The following JPH1 variants were observed in gnomAD, a reference collection of about 807,000 sequenced individuals.
The protein encoded by JPH1 is junctophilin 1.
Under a neutral mutation model 53.6 loss-of-function variants are expected in JPH1, and 12 were observed. That is an observed-to-expected ratio of 0.22 (90% CI 0.14 to 0.36). The LOEUF (loss-of-function observed/expected upper bound fraction) is 0.36. Ranked by LOEUF, JPH1 falls within the 10% of genes least tolerant of loss-of-function variation. JPH1 has a pLI of 1.00. For synonymous variants in JPH1, 375 were observed against 363.8 expected, an observed-to-expected ratio of 1.03 and a Z score of -0.35; for missense variants, 808 against 905.5, an observed-to-expected ratio of 0.89 and a Z score of 1.38.
chr8:74,244,331 G>A (rs1444098383), intron 4 of JPH1, among the ~76,000 whole-genome samples, 198 bp downstream of exon 4: 3 of 152,116 alleles, frequency 2.0e-5, no homozygotes, highest in African/African-American at 7.2e-5. Flanking sequence ...GTGAACATAG[G>A]GGTGGTGGGG....
rs760088756 is a variant in JPH1 at position 74,320,983 on chromosome 8, G to C, written c.305C>G (p.Thr102Ser). The change falls in exon 1 of 6, where the codon ACC (threonine) becomes AGC (serine). Residue 102 changes from threonine (T) to serine (S), a missense_variant. Transcript: ENST00000342232. The surrounding 1 kb of genome is among the most constrained non-coding windows in gnomAD (Gnocchi z 4.4). ...CCAGGTACCCTCGTAGCGAGCGGGG[G>C]TGCACAGGCTCTGCCGGACCCCGTA... ...GRYGVRQSLC[T>S]PARYEGTWSN... 6.2e-7 allele frequency: 1 copy of C among 1,612,042 alleles called. No individual in the cohort carries two copies. The highest frequency in any genetic ancestry group is 8.5e-7 in the Non-Finnish European group (1 of 1,179,204).
intron 3 of JPH1, among the ~76,000 whole-genome samples, chr8:74,253,041 T>C (rs1165131151): frequency 2.6e-5 from 4 of 151,984 alleles, no homozygotes; most frequent in South Asian, 4.2e-4. Flanking sequence ...ACCAAGCAGA[T>C]CTAATAGACA....
chr8:74,302,213 C>T (rs1392742856), intron 2 of JPH1, among the ~76,000 whole-genome samples: 1 of 152,232 alleles, frequency 6.6e-6, no homozygotes, highest in Non-Finnish European at 1.5e-5. Flanking sequence ...GCATAACACA[C>T]TTAGGGGAAA....
chr8:74,250,806 T>C (rs928502322), intron 3 of JPH1, among the ~76,000 whole-genome samples: 3 of 152,126 alleles, frequency 2.0e-5, no homozygotes, highest in African/African-American at 7.2e-5. Flanking sequence ...AGCCATCCCT[T>C]GGGGCAGACT....
intron 2 of JPH1, among the ~76,000 whole-genome samples, chr8:74,285,341 G>C (rs969911860): frequency 6.6e-6 from 1 of 151,364 alleles, no homozygotes; most frequent in Admixed American, 6.6e-5. Context: ...AATACTATAT[G>C]TATTTAAAAT....
intron 2 of JPH1, among the ~76,000 whole-genome samples, chr8:74,260,194 G>A (rs969873651): frequency 2.6e-5 from 4 of 152,166 alleles, no homozygotes; most frequent in African/African-American, 9.7e-5. Context: ...TTTCTTGTAT[G>A]AACCAAAAAG....
rs527342266 is a variant in JPH1 at position 74,244,938 on chromosome 8, C to T, written c.1496G>A (p.Arg499Lys). The change falls in exon 4 of 6, where the codon AGG (arginine) becomes AAG (lysine). Residue 499 changes from arginine to lysine, a missense_variant. This residue lies in a region of JPH1 where 756 missense variants were observed against 811.9 expected (regional missense o/e 0.93). Coordinates refer to ENST00000342232, the MANE Select transcript of JPH1 (RefSeq NM_020647.4). ...CGTCACCTGCTCATCAGCCACACTC[C>T]TTTTGTCTTGGTTGAGTCTCGCCCC... is the stretch of plus-strand genomic sequence containing the variant. ...SSGARLNQDK[R>K]SVADEQVTAI... 3 of 1,614,128 alleles carry T rather than the reference C, an allele frequency of 1.9e-6. No individual in the cohort carries two copies. The highest frequency in any genetic ancestry group is 2.7e-5 in the African/African-American group (2 of 75,034).
intron 4 of JPH1, among the ~76,000 whole-genome samples, chr8:74,242,492 A>G (rs973664522): frequency 2.0e-5 from 3 of 152,226 alleles, no homozygotes; most frequent in African/African-American, 4.8e-5. Flanking sequence ...ACAGAGTTCA[A>G]TTCTGTGAAT....
rs1306616590 is a variant in JPH1, at chr8:74,244,557, C to A, written c.1877G>T (p.Cys626Phe). 6.2e-7 allele frequency: 1 copy of A among 1,611,224 alleles called. No homozygotes were observed. The highest frequency in any genetic ancestry group is 8.5e-7 in the Non-Finnish European group (1 of 1,178,906). Residue 626 changes from cysteine to phenylalanine, a missense_variant, in exon 4 of 6, where the codon TGC (cysteine) becomes TTC (phenylalanine). Physicochemically the swap from Cys to Phe is radical, Grantham distance 205 (BLOSUM62 -2). Coordinates refer to ENST00000342232, the MANE Select transcript of JPH1 (RefSeq NM_020647.4). ...IPKNPASNDSCPALEKEANSG... is the reference protein window; with the variant it reads ...IPKNPASNDSFPALEKEANSG... ...ATTGGCTTCTTTTTCCAAAGCAGGGCATGAATCGTTGCTTGCTGGATTCTT... is the reference window on the plus strand; with the variant it reads ...ATTGGCTTCTTTTTCCAAAGCAGGGAATGAATCGTTGCTTGCTGGATTCTT...
intron 2 of JPH1, among the ~76,000 whole-genome samples, chr8:74,303,061 T>C (rs1179755473): frequency 1.3e-5 from 2 of 152,008 alleles, no homozygotes; most frequent in Non-Finnish European, 2.9e-5. Flanking sequence ...GAATAGAAAT[T>C]CAGATACCTG....
At chr8:74,290,665 A>G (rs1807298536) in intron 2 of JPH1, among the ~76,000 whole-genome samples, 1 of 152,210 alleles carries the variant, frequency 6.6e-6, no homozygotes, top group African/African-American at 2.4e-5. Context: ...AAGACCCCAC[A>G]TTGCCAAGAC....
At chr8:74,249,298 T>C (rs1452829257) in intron 3 of JPH1, among the ~76,000 whole-genome samples, 1 of 152,174 alleles carries the variant, frequency 6.6e-6, no homozygotes, top group Non-Finnish European at 1.5e-5. Flanking sequence ...AAGTAGAAAT[T>C]AGACATTTTC....
intron 3 of JPH1, among the ~76,000 whole-genome samples, chr8:74,258,543 G>A (rs546065085): frequency 2.6e-5 from 4 of 152,196 alleles, no homozygotes; most frequent in Non-Finnish European, 5.9e-5. Flanking sequence ...TTCTTCCATT[G>A]TGACATGCAT....
chr8:74,253,795 G>T (rs1051470934), intron 3 of JPH1, among the ~76,000 whole-genome samples: 1 of 152,104 alleles, frequency 6.6e-6, no homozygotes, highest in African/African-American at 2.4e-5. Flanking sequence ...AAATCTAGAA[G>T]AAATGGATAA....
At chr8:74,283,428 C>A (rs1807070477) in intron 2 of JPH1, among the ~76,000 whole-genome samples, 1 of 151,954 alleles carries the variant, frequency 6.6e-6, no homozygotes, top group African/African-American at 2.4e-5. Flanking sequence ...AAAAAGGGAG[C>A]ACAAGAGAGG....
chr8:74,241,072 A>G (rs771499294), intron 4 of JPH1, among the ~76,000 whole-genome samples: 5 of 152,156 alleles, frequency 3.3e-5, no homozygotes, highest in Non-Finnish European at 7.4e-5. Context: ...TTTTGCACGC[A>G]TACACACACA....
At chr8:74,310,688 C>T (rs1238025570) in intron 2 of JPH1, among the ~76,000 whole-genome samples, 1 of 152,180 alleles carries the variant, frequency 6.6e-6, no homozygotes, top group Admixed American at 6.5e-5. Flanking sequence ...ATCCACCATA[C>T]TTTCATGAAT....
chr8:74,269,881 A>G (rs2178871), intron 2 of JPH1, among the ~76,000 whole-genome samples: 10,677 of 152,274 alleles, frequency 0.07, 957 homozygotes, highest in African/African-American at 0.2. Flanking sequence ...CATCTTCTAG[A>G]TTTGTTTTAG....
At chr8:74,267,257 C>T (rs1806559915) in intron 2 of JPH1, among the ~76,000 whole-genome samples, 1 of 152,012 alleles carries the variant, frequency 6.6e-6, no homozygotes, top group Admixed American at 6.5e-5. Context: ...GTTGAACTCA[C>T]CAAATAAGTG....
Sources: allele counts gnomAD v4.1 joint callset (sites outside exome capture counted in the v4.1 genomes callset), GRCh38; gene constraint gnomAD v4.1.1; regional missense constraint gnomAD v4.1.1; non-coding constraint Gnocchi (gnomAD v3.1); transcripts MANE v1.5; gene names NCBI Gene and HGNC (gene_info 2026-07-23, HGNC 2026-07-21).